Variants in FGD1 observed in about 807,000 individuals in gnomAD.
The protein encoded by FGD1 is FYVE, RhoGEF and PH domain-containing protein 1.
A neutral mutation model predicts 65.0 loss-of-function variants in FGD1; 12 were observed. That is an observed-to-expected ratio of 0.18 (90% CI 0.12 to 0.30). The LOEUF (loss-of-function observed/expected upper bound fraction) is 0.30. Among genes scored for constraint, FGD1 ranks in the 10% least tolerant of loss-of-function variants. The pLI, the probability that FGD1 is intolerant of heterozygous loss-of-function variation, is 1.00. For synonymous variants in FGD1, 333 were observed against 343.9 expected (o/e 0.97, Z 0.35); for missense variants, 542 against 837.6 (o/e 0.65, Z 4.36).
chrX:54,494,284 A>G, intron 1 of FGD1, among the ~76,000 whole-genome samples: 1 of 103,942 alleles, frequency 9.6e-6, no homozygotes, highest in Non-Finnish European at 2.0e-5. Context: ...CTCTAGCCTG[A>G]CTCCCAAGGC....
chrX:54,488,806 C>T (rs1315788692), intron 1 of FGD1, among the ~76,000 whole-genome samples: 2 of 111,004 alleles, frequency 1.8e-5, no homozygotes, highest in Admixed American at 1.9e-4. Flanking sequence ...GGAAAGGACT[C>T]CCTAGTCAAT....
At chrX:54,462,834 G>A (rs1922670358) in intron 8 of FGD1, among the ~76,000 whole-genome samples, 1 of 99,609 alleles carries the variant, frequency 1.0e-5, no homozygotes, top group African/African-American at 3.8e-5. Flanking sequence ...GCGCCACCTC[G>A]GCTCACTGCA....
Position 54,470,631 on chromosome X carries a change from G to C in FGD1, c.611C>G (p.Ala204Gly). The C allele has an allele frequency of 8.4e-7, 1 of 1,195,852 alleles. No homozygotes were observed. Among genetic ancestry groups the C allele is most frequent in the Non-Finnish European group, 1.1e-6 (1 of 887,346 alleles). ...GGATACTGCTGCAGAACTGGGGCTG[G>C]CCTCTGCCCTGGGAGCCAGGCCCTT... Reference protein sequence around the residue: ...VAKGLAPRAEASPSSAAVSSL... With the variant: ...VAKGLAPRAEGSPSSAAVSSL... Residue 204 changes from alanine (A) to glycine (G), a missense_variant, in exon 3 of 18, where the codon GCC (alanine) becomes GGC (glycine). By Grantham distance (60) the Ala-to-Gly change is moderately conservative. Coordinates refer to ENST00000375135, the MANE Select transcript of FGD1 (RefSeq NM_004463.3).
rs948865670 is a variant in FGD1, at chrX:54,463,548, C to A, written c.1636+1903G>T. On this transcript the variant is annotated intron_variant, in intron 8 of 17. Coordinates refer to ENST00000375135, the MANE Select transcript of FGD1 (RefSeq NM_004463.3). ...CTCTTGCTCCCCAAGTAATCATGAT[C>A]GAAACCTTCCCATGGCTACCCACCA... Among the ~76,000 whole-genome samples, 9 of 111,979 alleles carry A rather than the reference C, an allele frequency of 8.0e-5. No homozygotes were observed. The East Asian group carries it at 1.7e-3, about 21-fold the overall frequency.
At chrX:54,465,338 T>A in intron 8 of FGD1, 113 bp downstream of exon 8, 1 of 839,680 alleles carries the variant, frequency 1.2e-6, no homozygotes. Context: ...ATTTCAATCA[T>A]GTGGCAATGG....
chrX:54,465,120 G>A (rs764501972), intron 8 of FGD1, among the ~76,000 whole-genome samples: 14 of 107,378 alleles, frequency 1.3e-4, no homozygotes, highest in Non-Finnish European at 2.7e-4. Context: ...ATCATAATGG[G>A]CATGCCACTC....
Position 54,470,370 on chromosome X carries a change from C to T in FGD1, c.747G>A (p.Ser249=), listed in dbSNP as rs758566006. The T allele has an allele frequency of 4.1e-6, 5 of 1,209,555 alleles. No individual in the cohort carries two copies. The highest frequency in any genetic ancestry group is 5.6e-6 in the Non-Finnish European group (5 of 894,689). ...CGGGGAGCTGGGGCACTGGTGGCTG[C>T]GAGGTTGGCTGTGGCAACATGACTG... ...PEPVMLPQPT[S]QPPVPQLPEG... Residue 249 remains serine, a synonymous_variant, in exon 4 of 18, where the codon TCG becomes TCA. Coordinates refer to ENST00000375135, the MANE Select transcript of FGD1 (RefSeq NM_004463.3).
chrX:54,448,569 C>A (rs924537504), intron 16 of FGD1, among the ~76,000 whole-genome samples: 1 of 112,384 alleles, frequency 8.9e-6, no homozygotes, highest in Non-Finnish European at 1.9e-5. Context: ...CCTCAGTTTC[C>A]TCGTTTGTAA....
At chrX:54,449,574 G>T (rs1229181984) in intron 14 of FGD1, 85 bp downstream of exon 14, 13 of 652,698 alleles carry the variant, frequency 2.0e-5, no homozygotes, top group Non-Finnish European at 3.2e-5. Context: ...GTCTAGGAAA[G>T]GGAGAGGATC....
At chrX:54,461,600 CAAAAAAAAAAAA>C (rs1165040158) in intron 8 of FGD1, among the ~76,000 whole-genome samples, 2 of 18,052 alleles carry the variant, frequency 1.1e-4, no homozygotes, top group Non-Finnish European at 2.7e-4. Context: ...GACTCTGTCT[CAAAAAAAAAAAA>C]AAAAAAAAAA....
At chrX:54,475,934 C>T (rs1424534649) in intron 1 of FGD1, among the ~76,000 whole-genome samples, 4 of 111,609 alleles carry the variant, frequency 3.6e-5, no homozygotes, top group Non-Finnish European at 5.6e-5. Context: ...GGCGTGGTGG[C>T]GCATGCCTGT....
intron 8 of FGD1, 59 bp from the exon 9 acceptor site, chrX:54,456,626 G>A: frequency 9.9e-7 from 1 of 1,011,953 alleles, no homozygotes; most frequent in Non-Finnish European, 1.3e-6. Context: ...CCTTTCCGGG[G>A]CTTTGTTTTT....
intron 1 of FGD1, among the ~76,000 whole-genome samples, chrX:54,471,872 G>A (rs1483497686): frequency 2.7e-5 from 3 of 111,935 alleles, no homozygotes; most frequent in East Asian, 2.8e-4. Context: ...ATTCTTCAAC[G>A]CTTTTGTTAA....
At chrX:54,451,817 A>C (rs1035898981) in intron 12 of FGD1, among the ~76,000 whole-genome samples, 33 of 108,381 alleles carry the variant, frequency 3.0e-4, no homozygotes, top group African/African-American at 1.1e-3. Context: ...TGAACCTGGG[A>C]GGCGGAGCTT....
Position 54,455,791 on chromosome X carries a change from A to G in FGD1, c.1843-7T>C. On this transcript the variant is annotated splice_polypyrimidine_tract_variant and splice_region_variant and intron_variant, in intron 10 of 17. Transcript: ENST00000375135. ...AAAGGAGGCGGTCGTTGAACTAGGA[A>G]GGAAAAAGTTTGGGATGTATGTGCA... is the stretch of plus-strand genomic sequence containing the variant. The G allele has an allele frequency of 8.5e-7, 1 of 1,169,903 alleles. No homozygotes were observed. Among genetic ancestry groups the G allele is most frequent in the African/African-American group, 1.8e-5 (1 of 57,023 alleles).
rs904182044 is a variant in FGD1 at position 54,449,835 on chromosome X, G to A, written c.2047-75C>T. On this transcript the variant is annotated intron_variant, in intron 13 of 17. Coordinates refer to ENST00000375135, the MANE Select transcript of FGD1 (RefSeq NM_004463.3). ...CCATTTCTACCCTCGCCTCACCTTCGTATACCCTAGCCTGAAGTTAGAAAA... is the reference window on the plus strand; with the variant it reads ...CCATTTCTACCCTCGCCTCACCTTCATATACCCTAGCCTGAAGTTAGAAAA... 5 of 721,683 alleles carry A rather than the reference G, an allele frequency of 6.9e-6. No individual in the cohort carries two copies. In the African/African-American group the frequency reaches 8.5e-5, roughly 12 times the overall value. 59.5% of individuals were successfully genotyped at this position (721,683 alleles called of 1,213,427 possible). A position where few individuals can be genotyped will look rare whatever the true frequency, so the allele number is the denominator to read the frequency against.
intron 1 of FGD1, among the ~76,000 whole-genome samples, chrX:54,494,709 C>T (rs1280151756): frequency 9.0e-6 from 1 of 111,249 alleles, no homozygotes; most frequent in East Asian, 2.8e-4. Context: ...ATGTAAAGCA[C>T]CCAGTCCAGT....
intron 1 of FGD1, among the ~76,000 whole-genome samples, chrX:54,488,428 A>G (rs1923340010): frequency 9.1e-6 from 1 of 109,623 alleles, no homozygotes; most frequent in South Asian, 3.9e-4. Context: ...TACTAAAAAT[A>G]CAAAAAATTA....
intron 1 of FGD1, among the ~76,000 whole-genome samples, chrX:54,490,628 T>A (rs1443459495): frequency 1.8e-5 from 2 of 111,471 alleles, no homozygotes; most frequent in African/African-American, 6.5e-5. Context: ...AAATGCCTGC[T>A]GGCCATCTTC....
Sources: gnomAD v4.1 joint callset for allele counts (sites outside exome capture counted in the v4.1 genomes callset) on GRCh38, gnomAD v4.1.1 for gene constraint, MANE v1.5 for transcripts, NCBI Gene and HGNC (gene_info 2026-07-23, HGNC 2026-07-21) for gene names.